Variants in MAP4K3 observed in about 807,000 individuals in gnomAD.
MAP4K3 encodes the protein MAPK/ERK kinase kinase kinase 3.
A neutral mutation model predicts 143.5 loss-of-function variants in MAP4K3; 94 were observed. The observed-to-expected ratio is 0.65, with a 90% confidence interval of 0.55 to 0.78. MAP4K3 has a LOEUF of 0.78. Ranked by LOEUF, MAP4K3 falls within the 30% of genes least tolerant of loss-of-function variation. The probability of loss-of-function intolerance (pLI) is 0.00; values close to 1 mark genes in which losing one functional copy is unlikely to be tolerated. For missense variants in MAP4K3, 1,077 were observed against 1,068.1 expected, an observed-to-expected ratio of 1.01 and a Z score of -0.12; for synonymous variants, 416 against 347.2, an observed-to-expected ratio of 1.20 and a Z score of -2.20.
intron 23 of MAP4K3, among the ~76,000 whole-genome samples, chr2:39,279,528 G>C: frequency 6.6e-6 from 1 of 152,216 alleles, no homozygotes; most frequent in Non-Finnish European, 1.5e-5. Context: ...AGAGGACACA[G>C]ACAGTTCTTA....
chr2:39,393,597 T>C (rs970637593), intron 1 of MAP4K3, among the ~76,000 whole-genome samples: 1 of 152,204 alleles, frequency 6.6e-6, no homozygotes, highest in Admixed American at 6.5e-5. Flanking sequence ...AATTTTAGTA[T>C]ATGTGCTCCC....
At chr2:39,312,818 T>C (rs1174939268) in intron 13 of MAP4K3, among the ~76,000 whole-genome samples, 1 of 152,224 alleles carries the variant, frequency 6.6e-6, no homozygotes, top group Non-Finnish European at 1.5e-5. Flanking sequence ...TCACCTATAC[T>C]TGTCTTCAAA....
rs189306985 is a variant in MAP4K3 at position 39,348,746 on chromosome 2, A to C, written c.246-5294T>G. Among the ~76,000 whole-genome samples the C allele has an allele frequency of 2.1e-3, 314 of 152,268 alleles. 1 individual carries two copies. The highest frequency in any genetic ancestry group is 3.5e-3 in the Non-Finnish European group (237 of 67,998). On this transcript the variant is annotated intron_variant, in intron 3 of 33. Transcript: ENST00000263881. The stretch of plus-strand genomic sequence containing the variant: ...TTTGTAAAATTATTTATCTTATAAG[A>C]AACAGAAAATTAAGTAGAGGGGGAA...
intron 27 of MAP4K3, among the ~76,000 whole-genome samples, 181 bp downstream of exon 27, chr2:39,267,008 T>C (rs1680793518): frequency 6.6e-6 from 1 of 152,134 alleles, no homozygotes. Context: ...TGCAAATAAA[T>C]TATTTGCAAG....
At chr2:39,292,218 A>G (rs1237733829) in intron 18 of MAP4K3, among the ~76,000 whole-genome samples, 2 of 152,228 alleles carry the variant, frequency 1.3e-5, no homozygotes, top group Non-Finnish European at 2.9e-5. Context: ...ATCACTGATA[A>G]ATCTACAATA....
At chr2:39,285,130 GA>G (rs1681714750) in intron 21 of MAP4K3, among the ~76,000 whole-genome samples, 1 of 152,062 alleles carries the variant, frequency 6.6e-6, no homozygotes, top group Admixed American at 6.5e-5. Flanking sequence ...GCTCTCAAGT[GA>G]TCCCCTTGCC....
chr2:39,307,882 TAAAAGAA>T (rs1427770843), intron 15 of MAP4K3, 54 bp downstream of exon 15: 1 of 1,317,374 alleles, frequency 7.6e-7, no homozygotes, highest in Non-Finnish European at 1.0e-6. Context: ...TGTTTGATCT[TAAAAGAA>T]AACAATTAAG....
chr2:39,382,692 C>A (rs940425622), intron 1 of MAP4K3, among the ~76,000 whole-genome samples: 3 of 152,076 alleles, frequency 2.0e-5, no homozygotes, highest in African/African-American at 4.8e-5. Context: ...AATACTGCTA[C>A]AAATTTTGAA....
chr2:39,343,892 T>C (rs2148536265), intron 3 of MAP4K3, among the ~76,000 whole-genome samples: 1 of 152,260 alleles, frequency 6.6e-6, no homozygotes, highest in East Asian at 1.9e-4. Context: ...CCCAAAACAG[T>C]CTTAAAATTT....
chr2:39,392,540 A>G (rs1455467220), intron 1 of MAP4K3, among the ~76,000 whole-genome samples: 2 of 152,200 alleles, frequency 1.3e-5, no homozygotes, highest in Non-Finnish European at 2.9e-5. Flanking sequence ...AGAATTCCTG[A>G]CACTGAATAC....
intron 19 of MAP4K3, 26 bp from the exon 20 acceptor site, chr2:39,288,306 A>G (rs763233848): frequency 1.3e-6 from 2 of 1,594,412 alleles, no homozygotes; most frequent in Non-Finnish European, 1.7e-6. Flanking sequence ...AAAAGAGACC[A>G]ACAATGAAAC....
chr2:39,308,380 C>A (rs1005697072), intron 14 of MAP4K3, among the ~76,000 whole-genome samples: 19 of 152,120 alleles, frequency 1.2e-4, no homozygotes, highest in African/African-American at 4.6e-4. Context: ...CATTTTAAGA[C>A]TTTTTCTTTA....
At chr2:39,336,458 C>T (rs1271331410) in intron 6 of MAP4K3, among the ~76,000 whole-genome samples, 2 of 106,290 alleles carry the variant, frequency 1.9e-5, no homozygotes, top group Non-Finnish European at 3.4e-5. Context: ...GGCAACAGAG[C>T]GAGACTCCAT....
chr2:39,329,951 T>G (rs1479703713), intron 8 of MAP4K3, among the ~76,000 whole-genome samples: 1 of 152,086 alleles, frequency 6.6e-6, no homozygotes, highest in Non-Finnish European at 1.5e-5. Context: ...AATATGAATG[T>G]AGAGAGTTGA....
At chr2:39,251,358 C>A (rs189588752) in intron 33 of MAP4K3, among the ~76,000 whole-genome samples, 6 of 152,254 alleles carry the variant, frequency 3.9e-5, no homozygotes, top group East Asian at 3.9e-4. Context: ...TGTATCTATG[C>A]CCTAAGCTTT....
intron 1 of MAP4K3, among the ~76,000 whole-genome samples, chr2:39,413,085 C>A (rs1440950546): frequency 6.6e-6 from 1 of 152,132 alleles, no homozygotes; most frequent in Non-Finnish European, 1.5e-5. Context: ...AGCTTTTTGT[C>A]TTAGAAATGA....
At chr2:39,436,176 G>C (rs1011773279) in intron 1 of MAP4K3, among the ~76,000 whole-genome samples, 1 of 152,152 alleles carries the variant, frequency 6.6e-6, no homozygotes, top group Non-Finnish European at 1.5e-5. Flanking sequence ...CTCTACAACA[G>C]GAATGCTGTA....
chr2:39,384,708 TTTTG>T (rs1296327724), intron 1 of MAP4K3, among the ~76,000 whole-genome samples: 2 of 152,242 alleles, frequency 1.3e-5, no homozygotes, highest in Non-Finnish European at 2.9e-5. Context: ...AAAAACTGAA[TTTTG>T]TTTAATTGTA....
intron 19 of MAP4K3, among the ~76,000 whole-genome samples, chr2:39,288,519 T>A (rs908421118): frequency 1.3e-5 from 2 of 152,204 alleles, no homozygotes; most frequent in African/African-American, 2.4e-5. Flanking sequence ...TAAAAGGGCC[T>A]CTAAGTCGAC....
Sources: gnomAD v4.1 joint callset for allele counts (sites outside exome capture counted in the v4.1 genomes callset) on GRCh38, gnomAD v4.1.1 for gene constraint, MANE v1.5 for transcripts, NCBI Gene and HGNC (gene_info 2026-07-23, HGNC 2026-07-21) for gene names.